Variants in RBM23 observed in about 807,000 individuals in gnomAD.
The protein encoded by RBM23 is RNA binding motif protein 23, also known as probable RNA-binding protein 23.
Under a neutral mutation model 56.2 loss-of-function variants are expected in RBM23, and 53 were observed. The observed-to-expected ratio is 0.94, with a 90% CI of 0.76 to 1.19. The LOEUF is 1.19. Ranked by LOEUF, RBM23 falls within the 50% of genes most tolerant of loss-of-function variation. The pLI, the probability that RBM23 is intolerant of heterozygous loss-of-function variation, is 0.00. For synonymous variants in RBM23, 197 were observed against 198.5 expected, an observed-to-expected ratio of 0.99 and a Z score of 0.06; for missense variants, 642 against 590.3, an observed-to-expected ratio of 1.09 and a Z score of -0.91.
At position 22,893,824 on chromosome 14, in the gene RBM23, G is replaced by A. The variant is rs1174738160; in HGVS notation, c.*7906C>T. ...ATCTCGGTGACTCCCTGATGGATATGCTTAAGGTCCCTTTTCATCTATTTG... is the reference window on the plus strand; with the variant it reads ...ATCTCGGTGACTCCCTGATGGATATACTTAAGGTCCCTTTTCATCTATTTG... On this transcript the variant is annotated 3_prime_UTR_variant, in exon 14 of 14. Coordinates refer to ENST00000359890, the MANE Select transcript of RBM23 (RefSeq NM_001077351.2). 1.3e-5 allele frequency: 2 copies of A among 152,134 alleles called. No homozygotes were observed. The highest frequency in any genetic ancestry group is 2.9e-5 in the Non-Finnish European group (2 of 68,034). 9.4% of individuals were successfully genotyped at this position (152,134 alleles called of 1,614,324 possible). A position where few individuals can be genotyped will look rare whatever the true frequency, so the allele number is the denominator to read the frequency against.
chr14:22,918,578 G>C (rs567405817), intron 1 of RBM23, among the ~76,000 whole-genome samples: 3 of 152,118 alleles, frequency 2.0e-5, no homozygotes, highest in African/African-American at 7.2e-5. Context: ...CGACAGACTA[G>C]AGATTGAGGA....
intron 4 of RBM23, among the ~76,000 whole-genome samples, chr14:22,907,735 AG>A (rs1594303642): frequency 1.3e-5 from 2 of 152,338 alleles, no homozygotes; most frequent in East Asian, 3.9e-4. Flanking sequence ...CTGGTCCTTC[AG>A]AAGGTGCTCC....
intron 3 of RBM23, 119 bp downstream of exon 3, chr14:22,909,364 C>T: frequency 1.3e-6 from 1 of 769,654 alleles, no homozygotes. Flanking sequence ...CTAGGTGGAG[C>T]CATTACTAAC....
Position 22,903,285 on chromosome 14 carries a change from C to T in RBM23, c.931-903G>A, listed in dbSNP as rs557804121. 3.3e-5 allele frequency: 33 copies of T among 985,424 alleles called. No individual in the cohort carries two copies. In the African/African-American group the frequency reaches 4.0e-4, roughly 12 times the overall value. The allele number at this position is 985,424 out of a possible 1,614,324, so 61.0% of individuals were successfully genotyped here. ...GCAACACACTGGTACAAAGAGGATTCCCAGTCTGCTGTTTGTTTAAGTGTC... is the reference window on the plus strand; with the variant it reads ...GCAACACACTGGTACAAAGAGGATTTCCAGTCTGCTGTTTGTTTAAGTGTC... On this transcript the variant is annotated intron_variant, in intron 10 of 13. Transcript: ENST00000359890.
At position 22,914,874 on chromosome 14, in the gene RBM23, T is replaced by C. The variant is rs147769922; in HGVS notation, c.-10-3471A>G. ...GGTGGGCGCCTGTAGTCCCAGCTAC[T>C]CAAGAGGCTAAGACAGGAGAATCGC... On this transcript the variant is annotated intron_variant, in intron 1 of 13. Transcript: ENST00000359890. Among the ~76,000 whole-genome samples the C allele has an allele frequency of 4.8e-3, 714 of 149,266 alleles. 7 individuals are homozygous for C. Among genetic ancestry groups the C allele is most frequent in the African/African-American group, 0.016 (647 of 40,472 alleles).
rs1467028091 is a variant in RBM23, at chr14:22,901,434, T to C, written c.*296A>G. On this transcript the variant is annotated 3_prime_UTR_variant, in exon 14 of 14. Transcript: ENST00000359890. Reference sequence around the variant, plus strand: ...GAGAAATTGAGGAATCACTAAGGTGTTGGAAAGGGCAAGAAGGTAATCTCA... The same window carrying C: ...GAGAAATTGAGGAATCACTAAGGTGCTGGAAAGGGCAAGAAGGTAATCTCA... 1.9e-6 allele frequency: 1 copy of C among 537,698 alleles called. No individual in the cohort carries two copies. The highest frequency in any genetic ancestry group is 3.3e-6 in the Non-Finnish European group (1 of 301,588). 33.3% of individuals were successfully genotyped at this position (537,698 alleles called of 1,614,324 possible). A position where few individuals can be genotyped will look rare whatever the true frequency, so the allele number is the denominator to read the frequency against.
chr14:22,904,743 A>G (rs2041234144), intron 9 of RBM23, 132 bp downstream of exon 9: 2 of 1,344,284 alleles, frequency 1.5e-6, no homozygotes, highest in Non-Finnish European at 2.1e-6. Flanking sequence ...CTTTCACAGC[A>G]TAGACTCATA....
rs1340263198 is a variant in RBM23, at chr14:22,904,279, T to TAAA, written c.911_912insTTT (p.Lys304delinsAsnLeu). ...GACTCACCGTGATGAAACCATAACC[T>TAAA]TTAGAGCGGCCTGTATCTGAGTCCT... On this transcript the variant is annotated protein_altering_variant, in exon 10 of 14. Coordinates refer to ENST00000359890, the MANE Select transcript of RBM23 (RefSeq NM_001077351.2). 6.2e-7 allele frequency: 1 copy of TAAA among 1,613,744 alleles called. No individual in the cohort carries two copies.
At position 22,897,023 on chromosome 14, in the gene RBM23, C is replaced by T. The variant is rs1432632152; in HGVS notation, c.*4707G>A. Reference sequence around the variant, plus strand: ...CACTTTAGAAAGAAAGTATCACAGGCTACCATGGTAACATCAGAAAGAGTA... The same window carrying T: ...CACTTTAGAAAGAAAGTATCACAGGTTACCATGGTAACATCAGAAAGAGTA... On this transcript the variant is annotated 3_prime_UTR_variant, in exon 14 of 14. Transcript: ENST00000359890. 1 of 152,202 alleles carries T rather than the reference C, an allele frequency of 6.6e-6. No homozygotes were observed. The highest frequency in any genetic ancestry group is 1.5e-5 in the Non-Finnish European group (1 of 68,048). The allele number at this position is 152,202 out of a possible 1,614,324, so 9.4% of individuals were successfully genotyped here.
chr14:22,901,612 C>A lies in RBM23; in HGVS notation c.*118G>T, dbSNP rs2040490601. The A allele has an allele frequency of 7.0e-7, 1 of 1,436,338 alleles. No homozygotes were observed. Among genetic ancestry groups the A allele is most frequent in the Non-Finnish European group, 9.7e-7 (1 of 1,029,604 alleles). The allele number at this position is 1,436,338 out of a possible 1,614,324, so 89.0% of individuals were successfully genotyped here. A position where few individuals can be genotyped will look rare whatever the true frequency, so the allele number is the denominator to read the frequency against. On this transcript the variant is annotated 3_prime_UTR_variant, in exon 14 of 14. Transcript: ENST00000359890. ...AGGGTGGCCCCAATTTCCTCAGAGA[C>A]AATGTCCATGCCCTCAGGATGGCTT...
rs759555874 is a variant in RBM23 at position 22,902,251 on chromosome 14, C to A, written c.1062G>T (p.Gly354=). The change falls in exon 11 of 14, where the codon GGG becomes GGT. Residue 354 remains glycine, a synonymous_variant. Transcript: ENST00000359890. ...CTGATCCCAGATCCAGCTCCTGGTC[C>A]CCATCAGGAAAAGTGATGTCTGTGC... ...DGGTDITFPD[G]DQELDLGSAG... The A allele has an allele frequency of 1.1e-5, 18 of 1,614,184 alleles. No individual in the cohort carries two copies. Among genetic ancestry groups the A allele is most frequent in the Middle Eastern group, 1.6e-4 (1 of 6,062 alleles).
At position 22,895,990 on chromosome 14, in the gene RBM23, A is replaced by T. The variant is rs865849207; in HGVS notation, c.*5740T>A. 6 of 152,154 alleles carry T rather than the reference A, an allele frequency of 3.9e-5. No homozygotes were observed. Among genetic ancestry groups the T allele is most frequent in the African/African-American group, 1.2e-4 (5 of 41,418 alleles). 9.4% of individuals were successfully genotyped at this position (152,154 alleles called of 1,614,324 possible). On this transcript the variant is annotated 3_prime_UTR_variant, in exon 14 of 14. Transcript: ENST00000359890. ...CTAGGCAGGTTGTGTGTGACCCAAG[A>T]CCTTGTAAGCTTGGGGCTTCAGTGC...
In RBM23 at chr14:22,906,276, C is replaced by T. The variant is rs1230257310; in HGVS notation, c.320G>A (p.Arg107His). ...QCRHRSRSWD[R>H]RHGSESRSRD... ...ACTTCGCGACTCACTACCATGTCGA[C>T]GATCCCAGCTACGGCTACGGTGACG... Residue 107 changes from arginine (R) to histidine (H), a missense_variant, in exon 5 of 14, where the codon CGT becomes CAT. By Grantham distance (29) the Arg-to-His change is conservative (BLOSUM62 0). Coordinates refer to ENST00000359890, the MANE Select transcript of RBM23 (RefSeq NM_001077351.2). 1.9e-6 allele frequency: 3 copies of T among 1,614,258 alleles called. No homozygotes were observed. Among genetic ancestry groups the T allele is most frequent in the Non-Finnish European group, 2.5e-6 (3 of 1,180,042 alleles).
chr14:22,905,603 C>T lies in RBM23; in HGVS notation c.455+3G>A, dbSNP rs749589589. 33 of 1,610,818 alleles carry T rather than the reference C, an allele frequency of 2.0e-5. No homozygotes were observed. The highest frequency in any genetic ancestry group is 1.6e-4 in the Middle Eastern group (1 of 6,074). ...CCTAAAACAGTGTTCATTATCAACC[C>T]ACCTGACTGGGCTCTTCTCTCTGAA... On this transcript the variant is annotated splice_donor_region_variant and intron_variant, in intron 6 of 13. Transcript: ENST00000359890.
Position 22,901,859 on chromosome 14 carries a change from G to C in RBM23, c.1271C>G (p.Ala424Gly). ...LTALSPALNL[A>G]SQCFQLSSLF... ...GCTGGAGAGCTGGAAACACTGGGAG[G>C]CAAGGTTCAGGGCTGGACTCAGAGC... is the stretch of plus-strand genomic sequence containing the variant. The change falls in exon 13 of 14, where the codon GCC becomes GGC. Residue 424 changes from alanine to glycine, a missense_variant. Ala to Gly is a moderately conservative substitution (Grantham distance 60). Coordinates refer to ENST00000359890, the MANE Select transcript of RBM23 (RefSeq NM_001077351.2). 6.2e-7 allele frequency: 1 copy of C among 1,614,200 alleles called. No individual in the cohort carries two copies. The highest frequency in any genetic ancestry group is 8.5e-7 in the Non-Finnish European group (1 of 1,180,018).
At position 22,900,750 on chromosome 14, in the gene RBM23, A is replaced by G. The variant is rs191847164; in HGVS notation, c.*980T>C. 1.4e-4 allele frequency: 21 copies of G among 152,220 alleles called. No homozygotes were observed. The highest frequency in any genetic ancestry group is 1.3e-3 in the East Asian group (7 of 5,192). 9.4% of individuals were successfully genotyped at this position (152,220 alleles called of 1,614,324 possible). A position where few individuals can be genotyped will look rare whatever the true frequency, so the allele number is the denominator to read the frequency against. ...CACACAAATGGGCAACAGCTGCCACAAGGAGGAGGCTTGCCTTTTGTACAA... is the reference window on the plus strand; with the variant it reads ...CACACAAATGGGCAACAGCTGCCACGAGGAGGAGGCTTGCCTTTTGTACAA... On this transcript the variant is annotated 3_prime_UTR_variant, in exon 14 of 14. Transcript: ENST00000359890.
chr14:22,915,044 C>T (rs1222476310), intron 1 of RBM23, among the ~76,000 whole-genome samples: 1 of 151,012 alleles, frequency 6.6e-6, no homozygotes, highest in East Asian at 1.9e-4. Flanking sequence ...ATGCACTATG[C>T]AACAATGCTG....
chr14:22,909,515 G>A lies in RBM23; in HGVS notation c.147C>T (p.Thr49=). 1 of 1,613,288 alleles carries A rather than the reference G, an allele frequency of 6.2e-7. No individual in the cohort carries two copies. Among genetic ancestry groups the A allele is most frequent in the Admixed American group, 1.7e-5 (1 of 60,006 alleles). ...TCTCCCCGATGGTGCTGCTTCCACT[G>A]GTCTCATTGCCACTGTTGCTGGTGC... ...TSSTSNSGNE[T]SGSSTIGETS... The change falls in exon 3 of 14, where the codon ACC becomes ACT. Residue 49 remains threonine (T), a synonymous_variant. Coordinates refer to ENST00000359890, the MANE Select transcript of RBM23 (RefSeq NM_001077351.2).
chr14:22,904,190 G>C (rs759348293), intron 10 of RBM23, 71 bp downstream of exon 10: 1 of 1,611,766 alleles, frequency 6.2e-7, no homozygotes, highest in South Asian at 1.1e-5. Flanking sequence ...GGAGGATGAA[G>C]CTAAGCTGCA....
Sources: allele counts gnomAD v4.1 joint callset (sites outside exome capture counted in the v4.1 genomes callset), GRCh38; gene constraint gnomAD v4.1.1; transcripts MANE v1.5; gene names NCBI Gene and HGNC (gene_info 2026-07-23, HGNC 2026-07-21).